Variants in VASP observed in about 807,000 individuals in gnomAD.
VASP encodes the protein vasodilator stimulated phosphoprotein.
A neutral mutation model predicts 54.4 loss-of-function variants in VASP; 27 were observed. That is an observed-to-expected ratio of 0.50 (90% confidence interval 0.37 to 0.68). The LOEUF (loss-of-function observed/expected upper bound fraction) is 0.68. VASP is among the 30% of genes least tolerant of loss of function. The pLI, the probability that VASP is intolerant of heterozygous loss-of-function variation, is 0.00. For missense variants in VASP, 488 were observed against 528.3 expected, an observed-to-expected ratio of 0.92 and a Z score of 0.75; for synonymous variants, 233 against 209.8, an observed-to-expected ratio of 1.11 and a Z score of -0.96.
intron 12 of VASP, 27 bp downstream of exon 12, chr19:45,526,030 C>G: frequency 1.2e-6 from 2 of 1,613,242 alleles, no homozygotes; most frequent in Non-Finnish European, 1.7e-6. Context: ...TGGTTTTGTT[C>G]TTAAACATTT....
chr19:45,514,144 G>A (rs1186982932), intron 1 of VASP, among the ~76,000 whole-genome samples: 1 of 152,164 alleles, frequency 6.6e-6, no homozygotes, highest in East Asian at 1.9e-4. Context: ...GAGAGGCTAG[G>A]CCTGAGGAAG....
intron 1 of VASP, among the ~76,000 whole-genome samples, chr19:45,509,255 C>T (rs1968550202): frequency 6.6e-6 from 1 of 152,210 alleles, no homozygotes; most frequent in Non-Finnish European, 1.5e-5. Context: ...GACTTCCTGC[C>T]TATCCGCTCC....
At chr19:45,523,956 G>GCTAT in intron 9 of VASP, 79 bp downstream of exon 9, 2 of 1,610,148 alleles carry the variant, frequency 1.2e-6, no homozygotes, top group Non-Finnish European at 8.5e-7. Flanking sequence ...CACCCTTATA[G>GCTAT]GAGAGTCAGG....
intron 4 of VASP, 121 bp from the exon 5 acceptor site, chr19:45,522,047 G>A: frequency 7.5e-7 from 1 of 1,335,622 alleles, no homozygotes; most frequent in Non-Finnish European, 1.0e-6. Context: ...GGAAGGCTTG[G>A]GTGAGTATTA....
At chr19:45,518,156 C>G in intron 3 of VASP, 62 bp downstream of exon 3, 1 of 1,557,314 alleles carries the variant, frequency 6.4e-7, no homozygotes, top group South Asian at 1.2e-5. Context: ...GGGGCTGCCG[C>G]TTTACCCTGC....
At chr19:45,519,350 G>T (rs1968775127) in intron 3 of VASP, among the ~76,000 whole-genome samples, 1 of 151,928 alleles carries the variant, frequency 6.6e-6, no homozygotes, top group Admixed American at 6.6e-5. Context: ...CACCATATTG[G>T]CCAGGCTGGT....
chr19:45,524,564 C>G lies in VASP; in HGVS notation c.957-6C>G. ...TTGCTGTCCCAAACCACACCAACTC[C>G]CCCAGGATGAAGTCGTCTTCTTCGG... On this transcript the variant is annotated splice_region_variant and splice_polypyrimidine_tract_variant and intron_variant, in intron 10 of 12. Coordinates refer to ENST00000245932, the MANE Select transcript of VASP (RefSeq NM_003370.4). The G allele has an allele frequency of 6.2e-7, 1 of 1,613,976 alleles. No homozygotes were observed. The highest frequency in any genetic ancestry group is 8.5e-7 in the Non-Finnish European group (1 of 1,179,936).
In VASP at chr19:45,522,567, A is replaced by T; in HGVS notation, c.706A>T (p.Arg236Trp). 2 of 1,463,368 alleles carry T rather than the reference A, an allele frequency of 1.4e-6. No individual in the cohort carries two copies. The highest frequency in any genetic ancestry group is 2.8e-5 in the African/African-American group (2 of 70,518). 90.6% of individuals were successfully genotyped at this position (1,463,368 alleles called of 1,614,324 possible). The change falls in exon 6 of 13, where the codon AGG (arginine) becomes TGG (tryptophan). Residue 236 changes from arginine to tryptophan, a missense_variant. Transcript: ENST00000245932. ...CGCAGCTATTGCTGGAGCCAAACTC[A>T]GGAAAGTCAGCAAGGTGAGGGGCCG... is the stretch of plus-strand genomic sequence containing the variant. ...LAAAIAGAKL[R>W]KVSKQEEASG...
intron 1 of VASP, among the ~76,000 whole-genome samples, chr19:45,516,222 G>A (rs73942910): frequency 0.11 from 16,694 of 152,220 alleles, 1,060 homozygotes; most frequent in East Asian, 0.18. Context: ...CCCCAGGAGG[G>A]TGGTGCCGGA....
intron 11 of VASP, 110 bp downstream of exon 11, chr19:45,524,770 A>G: frequency 3.7e-6 from 4 of 1,089,076 alleles, no homozygotes; most frequent in Admixed American, 2.1e-5. Context: ...CAGGTTTCCA[A>G]TCTGACAAAT....
At chr19:45,523,960 A>G in intron 9 of VASP, 83 bp downstream of exon 9, 2 of 1,609,926 alleles carry the variant, frequency 1.2e-6, no homozygotes, top group South Asian at 2.2e-5. Context: ...CTTATAGGAG[A>G]GTCAGGGCGA....
At position 45,509,851 on chromosome 19, in the gene VASP, G is replaced by A. The variant is rs1373855062; in HGVS notation, c.5+2075G>A. 3.3e-5 allele frequency among the ~76,000 whole-genome samples: 5 copies of A among 152,216 alleles called. No individual in the cohort carries two copies. The South Asian group carries it at 6.2e-4, about 19-fold the overall frequency. On this transcript the variant is annotated intron_variant, in intron 1 of 12. Transcript: ENST00000245932. ...GATCCCTCAGAAATTCCTAGGCAACGTTGGAGGGGTGGAGGAGCCTAGGAT... is the reference window on the plus strand; with the variant it reads ...GATCCCTCAGAAATTCCTAGGCAACATTGGAGGGGTGGAGGAGCCTAGGAT...
chr19:45,513,489 T>TTTTTTTTTG (rs1968642417), intron 1 of VASP, among the ~76,000 whole-genome samples: 1 of 113,276 alleles, frequency 8.8e-6, no homozygotes, highest in Non-Finnish European at 1.9e-5. Context: ...TTTTTTTTTT[T>TTTTTTTTTG]GAGACAGAGT....
At chr19:45,510,838 C>T (rs968386601) in intron 1 of VASP, among the ~76,000 whole-genome samples, 3 of 150,426 alleles carry the variant, frequency 2.0e-5, no homozygotes, top group South Asian at 2.1e-4. Flanking sequence ...GAGGCTGAGG[C>T]GAGAGGATCG....
At chr19:45,520,294 G>A (rs1262410232) in intron 3 of VASP, among the ~76,000 whole-genome samples, 2 of 152,196 alleles carry the variant, frequency 1.3e-5, no homozygotes, top group African/African-American at 4.8e-5. Flanking sequence ...GGCGGACTGA[G>A]ACTCCACATT....
chr19:45,519,370 C>T (rs1257132091), intron 3 of VASP, among the ~76,000 whole-genome samples: 2 of 152,118 alleles, frequency 1.3e-5, no homozygotes, highest in Non-Finnish European at 1.5e-5. Flanking sequence ...TTTCAAACTC[C>T]TGGCCTCAAG....
intron 1 of VASP, among the ~76,000 whole-genome samples, chr19:45,516,598 C>A (rs534476632): frequency 6.6e-6 from 1 of 152,340 alleles, no homozygotes. Flanking sequence ...CGCATCCCCC[C>A]ACTGGCATTG....
chr19:45,524,930 G>A (rs1313330216), intron 11 of VASP: 1 of 353,264 alleles, frequency 2.8e-6, no homozygotes, highest in Non-Finnish European at 5.4e-6. Flanking sequence ...ATCACCAATT[G>A]GAGTTGGCAG....
chr19:45,509,373 C>G lies in VASP; in HGVS notation c.5+1597C>G, dbSNP rs1277807205. On this transcript the variant is annotated intron_variant, in intron 1 of 12. Coordinates refer to ENST00000245932, the MANE Select transcript of VASP (RefSeq NM_003370.4). The stretch of plus-strand genomic sequence containing the variant: ...TCCGGGACTCTTCTCTCCCCTTGCC[C>G]CCCAGCCCCGCCCCTCCACCCCCCC... Among the ~76,000 whole-genome samples, 4 of 148,774 alleles carry G rather than the reference C, an allele frequency of 2.7e-5. No homozygotes were observed. In the East Asian group the frequency reaches 7.8e-4, roughly 29 times the overall value.
Sources: allele counts gnomAD v4.1 joint callset (sites outside exome capture counted in the v4.1 genomes callset), GRCh38; gene constraint gnomAD v4.1.1; transcripts MANE v1.5; gene names NCBI Gene and HGNC (gene_info 2026-07-23, HGNC 2026-07-21).